Variants in TASP1 observed in about 807,000 individuals in gnomAD.
TASP1 encodes the protein threonine aspartase 1.
A neutral mutation model predicts 56.6 loss-of-function variants in TASP1; 16 were observed. The ratio of observed to expected loss-of-function variants is 0.28; its 90% CI spans 0.19 to 0.43. The LOEUF (loss-of-function observed/expected upper bound fraction) is 0.43. Among genes scored for constraint, TASP1 ranks in the 20% least tolerant of loss-of-function variants. The probability of loss-of-function intolerance (pLI) is 1.00; values close to 1 mark genes in which losing one functional copy is unlikely to be tolerated. For missense variants in TASP1, 393 were observed against 511.6 expected (o/e 0.77, Z 2.24); for synonymous variants, 179 against 184.2 (o/e 0.97, Z 0.23).
At chr20:13,107,905 A>G in the TASP1 span, among the ~76,000 whole-genome samples, 19 of 151,842 alleles carry the variant, frequency 1.3e-4, no homozygotes, top group Admixed American at 1.1e-3. Context: ...TTAATTCTTC[A>G]TTATTTCATT....
At chr20:13,599,483 C>G (rs1474813004) in intron 4 of TASP1, among the ~76,000 whole-genome samples, 1 of 152,058 alleles carries the variant, frequency 6.6e-6, no homozygotes, top group Admixed American at 6.6e-5. Context: ...ATAATGAAAA[C>G]ACTTGGACAC....
the TASP1 span, among the ~76,000 whole-genome samples, chr20:13,334,511 T>A: frequency 1.3e-5 from 2 of 152,236 alleles, no homozygotes; most frequent in Non-Finnish European, 2.9e-5. Flanking sequence ...TAGTAGCATC[T>A]ACATCTAACT....
intron 9 of TASP1, 71 bp downstream of exon 9, chr20:13,533,951 T>TA: frequency 6.6e-7 from 1 of 1,526,716 alleles, no homozygotes; most frequent in Non-Finnish European, 8.8e-7. Flanking sequence ...TCCCACTGGT[T>TA]AAAAAATTGT....
chr20:13,383,691 G>C, the TASP1 span, among the ~76,000 whole-genome samples: 1 of 152,160 alleles, frequency 6.6e-6, no homozygotes, highest in Non-Finnish European at 1.5e-5. Flanking sequence ...GAGTAAGAAG[G>C]ACACTCAGCC....
At chr20:13,116,279 T>A in the TASP1 span, among the ~76,000 whole-genome samples, 3 of 152,234 alleles carry the variant, frequency 2.0e-5, no homozygotes, top group Non-Finnish European at 4.4e-5. Context: ...CGTTCAACTC[T>A]GTTTGATTCA....
chr20:13,345,916 T>TAAAAA, the TASP1 span, among the ~76,000 whole-genome samples: 13 of 101,314 alleles, frequency 1.3e-4, no homozygotes, highest in East Asian at 6.1e-4. Flanking sequence ...CTCAGTAGGT[T>TAAAAA]AAAAAAAAAA....
intron 4 of TASP1, among the ~76,000 whole-genome samples, chr20:13,613,041 A>C (rs1301530581): frequency 6.6e-6 from 1 of 152,204 alleles, no homozygotes; most frequent in Non-Finnish European, 1.5e-5. Flanking sequence ...CAATGAAAAG[A>C]AGGTAAAACT....
the TASP1 span, among the ~76,000 whole-genome samples, chr20:13,336,962 A>G: frequency 6.6e-5 from 10 of 152,240 alleles, no homozygotes; most frequent in African/African-American, 2.4e-4. Flanking sequence ...TCCAGCCAGC[A>G]ATGATTTCTG....
chr20:13,267,847 G>T, the TASP1 span, among the ~76,000 whole-genome samples: 1 of 152,178 alleles, frequency 6.6e-6, no homozygotes, highest in Non-Finnish European at 1.5e-5. Flanking sequence ...CTCCATTGTG[G>T]CTATGAAGTT....
chr20:13,119,020 T>C, the TASP1 span, among the ~76,000 whole-genome samples: 19 of 152,330 alleles, frequency 1.2e-4, no homozygotes, highest in African/African-American at 3.6e-4. Flanking sequence ...GCTAAAACCA[T>C]TGGGAAAGCC....
the TASP1 span, among the ~76,000 whole-genome samples, chr20:13,316,522 C>T: frequency 6.6e-6 from 1 of 151,842 alleles, no homozygotes; most frequent in African/African-American, 2.4e-5. Flanking sequence ...CATGAATATT[C>T]GTGCAAAAAT....
the TASP1 span, among the ~76,000 whole-genome samples, chr20:13,247,517 G>GGTGTGTGT: frequency 3.7e-3 from 523 of 139,896 alleles, 9 homozygotes; most frequent in African/African-American, 0.011. Context: ...CAAAGTGAGG[G>GGTGTGTGT]GTGTGTGTGT....
At chr20:13,466,418 A>G (rs1473790543) in intron 11 of TASP1, among the ~76,000 whole-genome samples, 2 of 152,162 alleles carry the variant, frequency 1.3e-5, no homozygotes, top group African/African-American at 4.8e-5. Context: ...ATCACCTTAC[A>G]TAAATCCAGT....
At chr20:13,136,193 G>A in the TASP1 span, among the ~76,000 whole-genome samples, 2 of 152,020 alleles carry the variant, frequency 1.3e-5, no homozygotes, top group Admixed American at 1.3e-4. Flanking sequence ...AGGCAGGGGA[G>A]GGGACAATGT....
chr20:13,192,905 A>G, the TASP1 span, among the ~76,000 whole-genome samples: 7 of 152,286 alleles, frequency 4.6e-5, no homozygotes, highest in East Asian at 9.6e-4. Flanking sequence ...TGGAGTGATT[A>G]TAGCATATGG....
intron 10 of TASP1, among the ~76,000 whole-genome samples, chr20:13,507,435 A>AG (rs1207143864): frequency 6.6e-6 from 1 of 152,134 alleles, no homozygotes; most frequent in Non-Finnish European, 1.5e-5. Context: ...CAGGAGGCTG[A>AG]GGTGGGAGGA....
At chr20:13,317,582 A>C in the TASP1 span, among the ~76,000 whole-genome samples, 1 of 152,130 alleles carries the variant, frequency 6.6e-6, no homozygotes, top group Non-Finnish European at 1.5e-5. Flanking sequence ...TAGTACTGAC[A>C]AAAGAATAGG....
intron 9 of TASP1, among the ~76,000 whole-genome samples, chr20:13,529,126 G>A (rs1268485440): frequency 1.3e-5 from 2 of 152,114 alleles, no homozygotes; most frequent in Non-Finnish European, 2.9e-5. Context: ...GCTCACTACT[G>A]TGCTAGATTC....
the TASP1 span, among the ~76,000 whole-genome samples, chr20:13,245,916 C>A: frequency 6.6e-6 from 1 of 152,184 alleles, no homozygotes; most frequent in African/African-American, 2.4e-5. Context: ...CTTGTACCCG[C>A]CCACTCCGAT....
Sources: gnomAD v4.1 joint callset for allele counts (sites outside exome capture counted in the v4.1 genomes callset) on GRCh38, gnomAD v4.1.1 for gene constraint, MANE v1.5 for transcripts, NCBI Gene and HGNC (gene_info 2026-07-23, HGNC 2026-07-21) for gene names.